The following MYO1E variants were observed in gnomAD, a reference collection of about 807,000 sequenced individuals.
MYO1E encodes myosin IE.
In MYO1E, 68 loss-of-function variants were observed where a neutral mutation model predicts 151.1. The observed-to-expected ratio is 0.45, with a 90% CI of 0.37 to 0.55. MYO1E has a LOEUF of 0.55. MYO1E is among the 20% of genes least tolerant of loss of function. The pLI, the probability that MYO1E is intolerant of heterozygous loss-of-function variation, is 0.00. For synonymous variants in MYO1E, 601 were observed against 501.7 expected (o/e 1.20, Z -2.64); for missense variants, 1,363 against 1,389.3 (o/e 0.98, Z 0.30).
In MYO1E at chr15:59,134,975, G is replaced by A. The variant is rs1391129362; in HGVS notation, c.*2405C>T. On this transcript the variant is annotated 3_prime_UTR_variant, in exon 28 of 28. Coordinates refer to ENST00000288235, the MANE Select transcript of MYO1E (RefSeq NM_004998.4). The stretch of plus-strand genomic sequence containing the variant: ...AATGTTATTTATCCCAGATTTTTCT[G>A]GTAGTCCCCATGTTGAATTTCTAAA... 1 of 152,174 alleles carries A rather than the reference G, an allele frequency of 6.6e-6. No homozygotes were observed. The highest frequency in any genetic ancestry group is 2.4e-5 in the African/African-American group (1 of 41,444). The allele number at this position is 152,174 out of a possible 1,614,324, so 9.4% of individuals were successfully genotyped here.
At chr15:59,161,349 T>C in intron 23 of MYO1E, 119 bp from the exon 24 acceptor site, 1 of 1,153,090 alleles carries the variant, frequency 8.7e-7, no homozygotes, top group African/African-American at 1.5e-5. Flanking sequence ...GAACGGACAA[T>C]CTACACCAGG....
At chr15:59,272,478 G>T in intron 1 of MYO1E, 29 bp from the exon 2 acceptor site, 1 of 1,612,812 alleles carries the variant, frequency 6.2e-7, no homozygotes, top group Middle Eastern at 1.7e-4. Flanking sequence ...CAATTACTAG[G>T]ATAGTTTGTT....
At chr15:59,189,875 A>G (rs2079722643) in intron 17 of MYO1E, among the ~76,000 whole-genome samples, 1 of 152,218 alleles carries the variant, frequency 6.6e-6, no homozygotes, top group Non-Finnish European at 1.5e-5. Context: ...ATGTCTTTTG[A>G]AAAAATGGAT....
At chr15:59,334,321 T>C (rs1383226401) in intron 1 of MYO1E, among the ~76,000 whole-genome samples, 3 of 152,082 alleles carry the variant, frequency 2.0e-5, no homozygotes, top group African/African-American at 7.2e-5. Flanking sequence ...AAAAGTATAA[T>C]TGGAATGTTT....
In MYO1E at chr15:59,163,064, A is replaced by T. The variant is rs2140311577; in HGVS notation, c.2627+93T>A. On this transcript the variant is annotated intron_variant, in intron 23 of 27. Coordinates refer to ENST00000288235, the MANE Select transcript of MYO1E (RefSeq NM_004998.4). The stretch of plus-strand genomic sequence containing the variant: ...AGCCAGACCCCACTCTTCTCCTCGC[A>T]GGCCTCCTCCAGCCCCATCCTGAAT... 6.2e-6 allele frequency: 9 copies of T among 1,443,834 alleles called. No homozygotes were observed. The South Asian group carries it at 1.1e-4, about 17-fold the overall frequency. 89.4% of individuals were successfully genotyped at this position (1,443,834 alleles called of 1,614,324 possible). A position where few individuals can be genotyped will look rare whatever the true frequency, so the allele number is the denominator to read the frequency against.
chr15:59,281,258 T>C (rs1394108573), intron 1 of MYO1E, among the ~76,000 whole-genome samples: 5 of 151,978 alleles, frequency 3.3e-5, no homozygotes, highest in African/African-American at 1.2e-4. Context: ...ACTTTTCCTT[T>C]TCTTTTCTTT....
chr15:59,364,938 C>G (rs923723836), intron 1 of MYO1E, among the ~76,000 whole-genome samples: 1 of 152,006 alleles, frequency 6.6e-6, no homozygotes, highest in Non-Finnish European at 1.5e-5. Context: ...AGAAACAATG[C>G]ATTTGAACAG....
chr15:59,288,297 T>A (rs552177680), intron 1 of MYO1E, among the ~76,000 whole-genome samples: 1 of 152,312 alleles, frequency 6.6e-6, no homozygotes, highest in Non-Finnish European at 1.5e-5. Context: ...TGCCTCGGCC[T>A]ACCGAGTAGC....
intron 17 of MYO1E, among the ~76,000 whole-genome samples, chr15:59,191,322 C>CAGACAG (rs1316053458): frequency 9.6e-6 from 1 of 104,252 alleles, no homozygotes; most frequent in Non-Finnish European, 1.8e-5. Flanking sequence ...ATAAGTCAGA[C>CAGACAG]AGACAGAGAC....
intron 14 of MYO1E, among the ~76,000 whole-genome samples, chr15:59,205,890 C>A (rs1277721401): frequency 1.3e-5 from 2 of 152,190 alleles, no homozygotes; most frequent in Non-Finnish European, 2.9e-5. Context: ...GCCCCTCATG[C>A]TCAGTAATTC....
chr15:59,205,964 C>G (rs566227840), intron 14 of MYO1E, among the ~76,000 whole-genome samples: 1 of 151,998 alleles, frequency 6.6e-6, no homozygotes, highest in Non-Finnish European at 1.5e-5. Context: ...CAAAGTTGCA[C>G]CAATCTGGCC....
chr15:59,137,786 C>T (rs1372265315), intron 27 of MYO1E, among the ~76,000 whole-genome samples: 6 of 152,230 alleles, frequency 3.9e-5, no homozygotes, highest in African/African-American at 1.4e-4. Flanking sequence ...CTCATCCTCT[C>T]AGGGTACAGC....
rs896555619 is a variant in MYO1E, at chr15:59,285,953, G to T, written c.4-13504C>A. On this transcript the variant is annotated intron_variant, in intron 1 of 27. Coordinates refer to ENST00000288235, the MANE Select transcript of MYO1E (RefSeq NM_004998.4). The stretch of plus-strand genomic sequence containing the variant: ...AATGATAGTCTCTGAAGTAGTAGCT[G>T]CTCAATACCTTTTTCTAATTCAATT... Among the ~76,000 whole-genome samples, 3 of 152,182 alleles carry T rather than the reference G, an allele frequency of 2.0e-5. No homozygotes were observed. In the South Asian group the frequency reaches 6.2e-4, roughly 32 times the overall value.
At position 59,236,609 on chromosome 15, in the gene MYO1E, C is replaced by G; in HGVS notation, c.396G>C (p.Val132=). 1 of 1,613,788 alleles carries G rather than the reference C, an allele frequency of 6.2e-7. No homozygotes were observed. The highest frequency in any genetic ancestry group is 8.5e-7 in the Non-Finnish European group (1 of 1,179,748). Residue 132 remains valine, a synonymous_variant, in exon 5 of 28, where the codon GTG becomes GTC. Coordinates refer to ENST00000288235, the MANE Select transcript of MYO1E (RefSeq NM_004998.4). ...CCTGGACTTTGGTCCCTCCTCCAGA[C>G]ACTCTGGAGATGTAGCTCATGATAT... ...AKYIMSYISR[V]SGGGTKVQHV... is the part of the protein sequence containing the mutation.
chr15:59,357,651 T>C (rs1189943955), intron 1 of MYO1E, among the ~76,000 whole-genome samples: 1 of 151,922 alleles, frequency 6.6e-6, no homozygotes, highest in Non-Finnish European at 1.5e-5. Context: ...GGTTTCACCA[T>C]GTTGGCCAGG....
chr15:59,326,769 G>C (rs1263666330), intron 1 of MYO1E, among the ~76,000 whole-genome samples: 4 of 152,150 alleles, frequency 2.6e-5, no homozygotes, highest in African/African-American at 7.2e-5. Context: ...TTTAATTAAA[G>C]ATGATGTATT....
intron 5 of MYO1E, 60 bp from the exon 6 acceptor site, chr15:59,231,851 C>A: frequency 6.3e-7 from 1 of 1,575,380 alleles, no homozygotes; most frequent in Non-Finnish European, 8.7e-7. Context: ...ACAGTGTACG[C>A]CAAACTTTCT....
At chr15:59,141,578 C>G (rs1437068960) in intron 26 of MYO1E, among the ~76,000 whole-genome samples, 2 of 152,096 alleles carry the variant, frequency 1.3e-5, no homozygotes, top group African/African-American at 4.8e-5. Context: ...GCGGGTGGAT[C>G]ACCTGAAGTC....
chr15:59,216,703 C>T (rs866987068), intron 10 of MYO1E, among the ~76,000 whole-genome samples: 7 of 70,678 alleles, frequency 9.9e-5, no homozygotes, highest in African/African-American at 2.9e-4. Flanking sequence ...CACACACACA[C>T]ACACACACAC....
Sources: allele counts gnomAD v4.1 joint callset (sites outside exome capture counted in the v4.1 genomes callset), GRCh38; gene constraint gnomAD v4.1.1; transcripts MANE v1.5; gene names NCBI Gene and HGNC (gene_info 2026-07-23, HGNC 2026-07-21).